The following ZSCAN25 variants were observed in gnomAD, a reference collection of about 807,000 sequenced individuals.
ZSCAN25 encodes the protein zinc finger and SCAN domain containing 25.
ZSCAN25 carries 27 observed loss-of-function variants against 38.7 expected under a neutral mutation model. The observed-to-expected ratio is 0.70, with a 90% confidence interval of 0.51 to 0.96. The LOEUF (loss-of-function observed/expected upper bound fraction) is 0.96, where lower values mean the gene tolerates loss of function less well. Among genes scored for constraint, ZSCAN25 ranks in the 40% least tolerant of loss-of-function variants. The pLI is 0.00. For synonymous variants in ZSCAN25, 273 were observed against 277.7 expected (o/e 0.98, Z 0.17); for missense variants, 637 against 705.9 (o/e 0.90, Z 1.11).
the ZSCAN25 span, chr7:99,676,228 T>A: frequency 1.2e-6 from 2 of 1,612,952 alleles, no homozygotes; most frequent in South Asian, 2.2e-5. Flanking sequence ...GAAACAGAAA[T>A]CAGGTCACAG....
chr7:99,715,592 G>T, the ZSCAN25 span: 1 of 1,226,198 alleles, frequency 8.2e-7, no homozygotes, highest in South Asian at 1.4e-5. Context: ...TAGAATGACA[G>T]AAGTGTTTTA....
intron 7 of ZSCAN25, among the ~76,000 whole-genome samples, chr7:99,625,955 G>C (rs1023511729): frequency 6.6e-6 from 1 of 152,216 alleles, no homozygotes; most frequent in Non-Finnish European, 1.5e-5. Flanking sequence ...GGGTTGTCCT[G>C]GTGCTTGTAC....
At chr7:99,628,356 T>C (rs1284325726) in intron 7 of ZSCAN25, among the ~76,000 whole-genome samples, 1 of 152,220 alleles carries the variant, frequency 6.6e-6, no homozygotes, top group African/African-American at 2.4e-5. Flanking sequence ...TCCTTTTCTT[T>C]TTTTCTCTTT....
the ZSCAN25 span, among the ~76,000 whole-genome samples, chr7:99,648,926 T>C: frequency 2.0e-5 from 3 of 152,190 alleles, no homozygotes; most frequent in African/African-American, 7.2e-5. Context: ...AATTATTCTT[T>C]TCTTTTTAAC....
At chr7:99,660,286 G>A in the ZSCAN25 span, 2 of 1,056,394 alleles carry the variant, frequency 1.9e-6, no homozygotes, top group Non-Finnish European at 2.3e-6. Context: ...GTGAACCAGG[G>A]CCAGCAATAT....
chr7:99,708,924 A>G, the ZSCAN25 span: 1 of 1,259,702 alleles, frequency 7.9e-7, no homozygotes, highest in African/African-American at 1.5e-5. Flanking sequence ...AACCTTTTAA[A>G]CATAAAAAGA....
chr7:99,631,106 G>A lies in ZSCAN25; in HGVS notation c.*1086G>A, dbSNP rs192774700. ...GACCTCGTAGAGCTTATGTCTCGTG[G>A]ATGTACCTGATCTTCAGAACCCGTG... On this transcript the variant is annotated 3_prime_UTR_variant, in exon 8 of 8. Transcript: ENST00000394152. The A allele has an allele frequency of 7.8e-4, 769 of 985,428 alleles. No individual in the cohort carries two copies. Among genetic ancestry groups the A allele is most frequent in the Non-Finnish European group, 8.3e-4 (685 of 829,934 alleles). The allele number at this position is 985,428 out of a possible 1,614,324, so 61.0% of individuals were successfully genotyped here.
At chr7:99,677,212 C>A in the ZSCAN25 span, 1 of 985,304 alleles carries the variant, frequency 1.0e-6, no homozygotes, top group African/African-American at 1.7e-5. Flanking sequence ...AGACCTTCCC[C>A]CTCCGGTGTG....
At chr7:99,652,709 A>T in the ZSCAN25 span, 6 of 1,614,148 alleles carry the variant, frequency 3.7e-6, no homozygotes, top group South Asian at 5.5e-5. Context: ...AACTGGGAAT[A>T]ATCTGAGTGT....
the ZSCAN25 span, among the ~76,000 whole-genome samples, chr7:99,677,934 C>T: frequency 5.3e-5 from 8 of 152,226 alleles, no homozygotes; most frequent in Non-Finnish European, 1.2e-4. Context: ...TCACATGGTA[C>T]CATGTCAAGG....
At chr7:99,714,491 A>T in the ZSCAN25 span, 4 of 1,599,572 alleles carry the variant, frequency 2.5e-6, no homozygotes, top group Admixed American at 3.4e-5. Flanking sequence ...TGCACCGATC[A>T]TATGTATATT....
chr7:99,726,148 C>T, the ZSCAN25 span, among the ~76,000 whole-genome samples: 8 of 152,142 alleles, frequency 5.3e-5, no homozygotes, highest in Admixed American at 3.3e-4. Flanking sequence ...TGTATCCCCC[C>T]ACCTTAACCC....
At chr7:99,718,554 T>C in the ZSCAN25 span, among the ~76,000 whole-genome samples, 1 of 152,108 alleles carries the variant, frequency 6.6e-6, no homozygotes, top group African/African-American at 2.4e-5. Flanking sequence ...ATAAAGAGAA[T>C]CTACAAAAAA....
the ZSCAN25 span, among the ~76,000 whole-genome samples, chr7:99,654,238 C>A: frequency 1.3e-5 from 2 of 152,138 alleles, no homozygotes; most frequent in Non-Finnish European, 2.9e-5. Context: ...CCACTCCTCC[C>A]ACCCCAAAAC....
chr7:99,653,008 AC>A, the ZSCAN25 span, among the ~76,000 whole-genome samples: 1 of 152,076 alleles, frequency 6.6e-6, no homozygotes, highest in African/African-American at 2.4e-5. The surrounding 1 kb of genome is among the most constrained non-coding windows in gnomAD (Gnocchi z 4.2). Context: ...GACCATCCTC[AC>A]CCCAGGGACT....
the ZSCAN25 span, among the ~76,000 whole-genome samples, chr7:99,729,188 G>A: frequency 6.6e-6 from 1 of 151,958 alleles, no homozygotes; most frequent in African/African-American, 2.4e-5. Context: ...TGTTATTCGG[G>A]ACTTGTGTCT....
the ZSCAN25 span, chr7:99,652,578 C>A: frequency 6.2e-7 from 1 of 1,612,350 alleles, no homozygotes; most frequent in Non-Finnish European, 8.5e-7. Context: ...TCCTCAGGCT[C>A]TGTCCAGTAC....
chr7:99,623,833 G>A (rs1170815522), intron 6 of ZSCAN25, among the ~76,000 whole-genome samples: 1 of 152,228 alleles, frequency 6.6e-6, no homozygotes, highest in East Asian at 1.9e-4. Flanking sequence ...AGCATGAGGT[G>A]TGAGTGGGAG....
the ZSCAN25 span, chr7:99,664,016 A>G: frequency 1.9e-6 from 3 of 1,599,218 alleles, no homozygotes; most frequent in East Asian, 6.7e-5. Context: ...TTACAGATTT[A>G]CTTAAAAAAT....
Sources: gnomAD v4.1 joint callset for allele counts (sites outside exome capture counted in the v4.1 genomes callset) on GRCh38, gnomAD v4.1.1 for gene constraint, Gnocchi (gnomAD v3.1) non-coding constraint, MANE v1.5 for transcripts, NCBI Gene and HGNC (gene_info 2026-07-23, HGNC 2026-07-21) for gene names.